Variants in ACAD8 observed in about 807,000 individuals in gnomAD.
The protein encoded by ACAD8 is isobutyryl-CoA dehydrogenase, mitochondrial.
Under a neutral mutation model 53.1 loss-of-function variants are expected in ACAD8, and 47 were observed. The ratio of observed to expected loss-of-function variants is 0.89; its 90% confidence interval spans 0.70 to 1.13. ACAD8 has a LOEUF of 1.13. Among genes scored for constraint, ACAD8 ranks in the 50% most tolerant of loss-of-function variants. ACAD8 has a pLI of 0.00. For synonymous variants in ACAD8, 198 were observed against 201.3 expected, an observed-to-expected ratio of 0.98 and a Z score of 0.14; for missense variants, 494 against 535.0, an observed-to-expected ratio of 0.92 and a Z score of 0.76.
In ACAD8 at chr11:134,258,389, C is replaced by T. The variant is rs570858339; in HGVS notation, c.381-126C>T. The T allele has an allele frequency of 2.4e-4, 176 of 718,688 alleles. No homozygotes were observed. In the African/African-American group the frequency reaches 2.7e-3, roughly 11 times the overall value. The allele number at this position is 718,688 out of a possible 1,614,324, so 44.5% of individuals were successfully genotyped here. On this transcript the variant is annotated intron_variant, in intron 3 of 10. Transcript: ENST00000281182. ...AAAGAGTCTTCCCAATTGTGACTCT[C>T]CCCTTCCCACTCTTCTGCTTTACTC...
At position 134,256,589 on chromosome 11, in the gene ACAD8, G is replaced by A. The variant is rs144458899; in HGVS notation, c.151G>A (p.Val51Met). ...LNEEQKEFQK[V>M]AFDFAAREMA... The stretch of plus-strand genomic sequence containing the variant: ...TGAAGAGCAGAAAGAATTTCAAAAA[G>A]TGGCCTTTGACTTTGCTGCCCGAGA... The change falls in exon 2 of 11, where the codon GTG (valine) becomes ATG (methionine). Residue 51 changes from valine to methionine, a missense_variant. By Grantham distance (21) the Val-to-Met change is conservative. Coordinates refer to ENST00000281182, the MANE Select transcript of ACAD8 (RefSeq NM_014384.3). 1 of 1,614,236 alleles carries A rather than the reference G, an allele frequency of 6.2e-7. No homozygotes were observed. Among genetic ancestry groups the A allele is most frequent in the South Asian group, 1.1e-5 (1 of 91,090 alleles).
intron 5 of ACAD8, 157 bp from the exon 6 acceptor site, chr11:134,259,451 G>T (rs1413189210): frequency 1.7e-6 from 1 of 583,470 alleles, no homozygotes; most frequent in East Asian, 2.8e-5. Flanking sequence ...GTCAGTCTCT[G>T]TGCCATTGGA....
rs1238051066 is a variant in ACAD8, at chr11:134,259,019, G to A, written c.502G>A (p.Asp168Asn). 6.2e-7 allele frequency: 1 copy of A among 1,613,986 alleles called. No homozygotes were observed. Among genetic ancestry groups the A allele is most frequent in the Non-Finnish European group, 8.5e-7 (1 of 1,180,004 alleles). The change falls in exon 5 of 11, where the codon GAT becomes AAT. Residue 168 changes from aspartate (D) to asparagine (N), a missense_variant. Coordinates refer to ENST00000281182, the MANE Select transcript of ACAD8 (RefSeq NM_014384.3). ...YCLTEPGSGS[D>N]AASLLTSAKK... ...TGATCCCTCCTCAGGAAGTGGGAGT[G>A]ATGCTGCCTCTCTTCTGACCTCCGC...
chr11:134,256,779 G>A (rs1251578288), intron 2 of ACAD8, 131 bp downstream of exon 2: 8 of 825,312 alleles, frequency 9.7e-6, no homozygotes, highest in Admixed American at 2.8e-5. Flanking sequence ...TGAGAATACC[G>A]GTAGTGGATG....
rs1940129842 is a variant in ACAD8 at position 134,265,566 on chromosome 11, T to G, written c.*606T>G. On this transcript the variant is annotated 3_prime_UTR_variant, in exon 11 of 11. Transcript: ENST00000281182. ...GCCTCAATATCAAGGGCTGAGACTT[T>G]TGAATTTTGAATATTCGTTGGGTTT... is the stretch of plus-strand genomic sequence containing the variant. The G allele has an allele frequency of 6.6e-6, 1 of 152,582 alleles. No homozygotes were observed. Among genetic ancestry groups the G allele is most frequent in the Non-Finnish European group, 1.5e-5 (1 of 68,316 alleles). 9.5% of individuals were successfully genotyped at this position (152,582 alleles called of 1,614,324 possible).
At chr11:134,259,482 C>T (rs1249316712) in intron 5 of ACAD8, 126 bp from the exon 6 acceptor site, 6 of 755,596 alleles carry the variant, frequency 7.9e-6, no homozygotes, top group Middle Eastern at 3.6e-4. Flanking sequence ...AGTCTCTGTG[C>T]CATTGGACCT....
At position 134,253,573 on chromosome 11, in the gene ACAD8, C is replaced by T. The variant is rs759304175; in HGVS notation, c.-28C>T. 14 of 1,555,754 alleles carry T rather than the reference C, an allele frequency of 9.0e-6. No individual in the cohort carries two copies. Among genetic ancestry groups the T allele is most frequent in the South Asian group, 2.3e-5 (2 of 85,178 alleles). On this transcript the variant is annotated 5_prime_UTR_variant, in exon 1 of 11. Transcript: ENST00000281182. Reference sequence around the variant, plus strand: ...AACGGAGGTCGAAGGCGTTCAGACTCTTAGCTGAACGCGGAGCTGCGGCGG... The same window carrying T: ...AACGGAGGTCGAAGGCGTTCAGACTTTTAGCTGAACGCGGAGCTGCGGCGG...
chr11:134,256,032 A>G (rs774612313), intron 1 of ACAD8, among the ~76,000 whole-genome samples: 4 of 60,618 alleles, frequency 6.6e-5, no homozygotes, highest in Non-Finnish European at 9.9e-5. Flanking sequence ...CACCCTCCCA[A>G]AGTAGCTGGG....
chr11:134,264,406 T>C (rs1312023535), intron 10 of ACAD8, among the ~76,000 whole-genome samples: 10 of 152,086 alleles, frequency 6.6e-5, no homozygotes, highest in African/African-American at 1.9e-4. Context: ...TGGTCCCAGC[T>C]ACTCAGGAGG....
Position 134,261,691 on chromosome 11 carries a change from G to A in ACAD8, c.940-47G>A, listed in dbSNP as rs758002010. On this transcript the variant is annotated intron_variant, in intron 8 of 10. Coordinates refer to ENST00000281182, the MANE Select transcript of ACAD8 (RefSeq NM_014384.3). This position sits in a 1 kb window ranked among gnomAD's most constrained non-coding sequence, Gnocchi z 4.2. ...ACCGAGGCTCCTGCACCAGGTGCTGGTCTAAGCCCCTCAGTCTTGTCTGGT... is the reference window on the plus strand; with the variant it reads ...ACCGAGGCTCCTGCACCAGGTGCTGATCTAAGCCCCTCAGTCTTGTCTGGT... 16 of 1,610,236 alleles carry A rather than the reference G, an allele frequency of 9.9e-6. No individual in the cohort carries two copies. The highest frequency in any genetic ancestry group is 1.4e-5 in the Non-Finnish European group (16 of 1,179,896).
At chr11:134,253,784 CT>C in intron 1 of ACAD8, 75 bp downstream of exon 1, 1 of 1,405,562 alleles carries the variant, frequency 7.1e-7, no homozygotes, top group Non-Finnish European at 9.8e-7. Context: ...GGGCTGCAGT[CT>C]CCCCGTTCCA....
chr11:134,261,332 A>G lies in ACAD8; in HGVS notation c.899A>G (p.Asn300Ser). The G allele has an allele frequency of 6.2e-7, 1 of 1,614,068 alleles. No individual in the cohort carries two copies. Among genetic ancestry groups the G allele is most frequent in the East Asian group, 2.2e-5 (1 of 44,858 alleles). ...ASVILTRDHL[N>S]VRKQFGEPLA... is the part of the protein sequence containing the mutation. The stretch of plus-strand genomic sequence containing the variant: ...GTCATCCTCACCCGAGACCACCTCA[A>G]TGTCCGGAAGCAGTTTGGAGAGCCT... Residue 300 changes from asparagine to serine, a missense_variant, in exon 8 of 11, where the codon AAT (asparagine) becomes AGT (serine). Coordinates refer to ENST00000281182, the MANE Select transcript of ACAD8 (RefSeq NM_014384.3). The surrounding 1 kb of genome is among the most constrained non-coding windows in gnomAD (Gnocchi z 4.2).
intron 6 of ACAD8, 160 bp downstream of exon 6, chr11:134,259,905 A>T: frequency 6.7e-7 from 1 of 1,483,504 alleles, no homozygotes; most frequent in Non-Finnish European, 9.1e-7. Context: ...ATGAAATACA[A>T]CAGGGCATTA....
At position 134,259,594 on chromosome 11, in the gene ACAD8, T is replaced by G. The variant is rs1939753944; in HGVS notation, c.568-14T>G. On this transcript the variant is annotated splice_polypyrimidine_tract_variant and intron_variant, in intron 5 of 10. Coordinates refer to ENST00000281182, the MANE Select transcript of ACAD8 (RefSeq NM_014384.3). ...GCATTCCCTGGTCCTTTTGCACCCC[T>G]TTTACCCCCACAGGCCTTCATCAGT... 1 of 1,613,808 alleles carries G rather than the reference T, an allele frequency of 6.2e-7. No individual in the cohort carries two copies. The highest frequency in any genetic ancestry group is 8.5e-7 in the Non-Finnish European group (1 of 1,179,798).
chr11:134,263,947 C>T (rs1251502988), intron 10 of ACAD8: 1 of 985,232 alleles, frequency 1.0e-6, no homozygotes, highest in Non-Finnish European at 1.2e-6. Context: ...AAAAATGAAG[C>T]AAATAATTGA....
chr11:134,262,177 C>T (rs1939920136), intron 9 of ACAD8: 2 of 658,208 alleles, frequency 3.0e-6, no homozygotes, highest in East Asian at 6.1e-5. Flanking sequence ...CAATTTAGCA[C>T]TCTGCCATGT....
At chr11:134,258,689 C>T (rs886163031) in intron 4 of ACAD8, 65 bp downstream of exon 4, 7 of 1,193,194 alleles carry the variant, frequency 5.9e-6, no homozygotes, top group East Asian at 2.5e-5. Context: ...ATGGCATTAC[C>T]GAGCACTCCT....
chr11:134,261,761 T>C lies in ACAD8; in HGVS notation c.963T>C (p.Asp321=), dbSNP rs1295950517. 1.2e-6 allele frequency: 2 copies of C among 1,614,012 alleles called. No individual in the cohort carries two copies. The highest frequency in any genetic ancestry group is 1.1e-5 in the South Asian group (1 of 91,080). The change falls in exon 9 of 11, where the codon GAT becomes GAC. Residue 321 remains aspartate (D), a synonymous_variant. Coordinates refer to ENST00000281182, the MANE Select transcript of ACAD8 (RefSeq NM_014384.3). This position sits in a 1 kb window ranked among gnomAD's most constrained non-coding sequence, Gnocchi z 4.2. ...SNQYLQFTLA[D]MATRLVAARL... ...AGTACTTGCAATTCACACTGGCTGATATGGCAACAAGGCTGGTGGCCGCGC... is the reference window on the plus strand; with the variant it reads ...AGTACTTGCAATTCACACTGGCTGACATGGCAACAAGGCTGGTGGCCGCGC...
chr11:134,255,607 C>T (rs751133294), intron 1 of ACAD8, among the ~76,000 whole-genome samples: 1 of 152,266 alleles, frequency 6.6e-6, no homozygotes, highest in Non-Finnish European at 1.5e-5. Flanking sequence ...TTATCCCTAA[C>T]TCTGTTCCTG....
Sources: gnomAD v4.1 joint callset for allele counts (sites outside exome capture counted in the v4.1 genomes callset) on GRCh38, gnomAD v4.1.1 for gene constraint, Gnocchi (gnomAD v3.1) non-coding constraint, MANE v1.5 for transcripts, NCBI Gene and HGNC (gene_info 2026-07-23, HGNC 2026-07-21) for gene names.